Variants in ABCA12 observed in about 807,000 individuals in gnomAD.
ABCA12 encodes the protein glucosylceramide transporter ABCA12.
In ABCA12, 156 loss-of-function variants were observed where a neutral mutation model predicts 293.5. That is an observed-to-expected ratio of 0.53 (90% confidence interval 0.47 to 0.61). The LOEUF (loss-of-function observed/expected upper bound fraction) is 0.61, where lower values mean the gene tolerates loss of function less well. ABCA12 is among the 20% of genes least tolerant of loss of function. The pLI, the probability that ABCA12 is intolerant of heterozygous loss-of-function variation, is 0.00. For missense variants in ABCA12, 2,797 were observed against 3,090.2 expected, an observed-to-expected ratio of 0.91 and a Z score of 2.25; for synonymous variants, 1,063 against 1,108.0, an observed-to-expected ratio of 0.96 and a Z score of 0.81.
chr2:214,954,134 C>T (rs1310086376), intron 43 of ABCA12, 27 bp from the exon 44 acceptor site: 1 of 1,610,426 alleles, frequency 6.2e-7, no homozygotes, highest in South Asian at 1.1e-5. Context: ...AAAAATAAAA[C>T]TCAGTGTTAA....
chr2:214,974,634 G>C (rs1214830397), intron 35 of ABCA12, 144 bp downstream of exon 35: 1 of 778,314 alleles, frequency 1.3e-6, no homozygotes, highest in Non-Finnish European at 2.3e-6. Flanking sequence ...AACTAAAGGA[G>C]ATAGACAAAA....
rs1179356922 is a variant in ABCA12 at position 214,955,272 on chromosome 2, A to T, written c.6323T>A (p.Phe2108Tyr). The T allele has an allele frequency of 6.2e-7, 1 of 1,614,208 alleles. No homozygotes were observed. The highest frequency in any genetic ancestry group is 8.5e-7 in the Non-Finnish European group (1 of 1,180,018). The change falls in exon 43 of 53, where the codon TTT becomes TAT. Residue 2108 changes from phenylalanine (F) to tyrosine (Y), a missense_variant. Physicochemically the swap from Phe to Tyr is conservative, Grantham distance 22. Transcript: ENST00000272895. The part of the protein sequence containing the change: ...AFITYVCVNL[F>Y]FGINSIVSLS... The stretch of plus-strand genomic sequence containing the variant: ...GGAAACAATGGAATTAATGCCAAAA[A>T]ACAAGTTGACACAGACGTAAGTGAT...
At chr2:214,950,833 G>A in intron 45 of ABCA12, 46 bp downstream of exon 45, 1 of 1,575,860 alleles carries the variant, frequency 6.3e-7, no homozygotes, top group South Asian at 1.1e-5. Flanking sequence ...TTGTCACATA[G>A]TATGCCAATG....
intron 39 of ABCA12, among the ~76,000 whole-genome samples, chr2:214,965,418 A>G (rs1363763390): frequency 1.3e-5 from 2 of 152,222 alleles, no homozygotes; most frequent in Non-Finnish European, 2.9e-5. Flanking sequence ...CTGCATAGAG[A>G]AGGAAACTTT....
intron 1 of ABCA12, among the ~76,000 whole-genome samples, chr2:215,118,593 TATA>T (rs1433567772): frequency 1.3e-5 from 2 of 151,930 alleles, no homozygotes; most frequent in African/African-American, 4.8e-5. Context: ...AATATAAACA[TATA>T]TAAAACAGTA....
chr2:215,123,884 A>G (rs1299093233), intron 1 of ABCA12, among the ~76,000 whole-genome samples: 1 of 152,096 alleles, frequency 6.6e-6, no homozygotes, highest in Non-Finnish European at 1.5e-5. Context: ...AGCAGTATAC[A>G]ATGCACCACA....
At chr2:215,071,548 C>T (rs1285868309) in intron 2 of ABCA12, among the ~76,000 whole-genome samples, 1 of 152,174 alleles carries the variant, frequency 6.6e-6, no homozygotes, top group Non-Finnish European at 1.5e-5. Flanking sequence ...ATTTGAAAAA[C>T]AGGTACACTT....
intron 1 of ABCA12, among the ~76,000 whole-genome samples, chr2:215,112,540 C>T (rs1702599393): frequency 6.7e-6 from 1 of 149,776 alleles, no homozygotes; most frequent in South Asian, 2.1e-4. Flanking sequence ...GCTCTGTCAC[C>T]CAGGCTGGAT....
chr2:214,976,679 C>A (rs552965296), intron 33 of ABCA12, among the ~76,000 whole-genome samples: 9 of 151,874 alleles, frequency 5.9e-5, no homozygotes, highest in Non-Finnish European at 1.2e-4. Flanking sequence ...TTCAAAACTC[C>A]ATTTTTGCCA....
chr2:214,998,893 G>A (rs567717096), intron 22 of ABCA12, among the ~76,000 whole-genome samples: 2 of 152,076 alleles, frequency 1.3e-5, no homozygotes, highest in Non-Finnish European at 2.9e-5. Flanking sequence ...TATGTGTTGG[G>A]CTCCACTCAA....
At chr2:215,122,597 T>C (rs1346056389) in intron 1 of ABCA12, among the ~76,000 whole-genome samples, 19 of 152,184 alleles carry the variant, frequency 1.2e-4, no homozygotes. Context: ...CTTTAGCAAG[T>C]TGTGACAACA....
rs1286740846 is a variant in ABCA12 at position 215,007,798 on chromosome 2, C to G, written c.2521G>C (p.Glu841Gln). ...QLAELREKSQ[E>Q]WMDKSPLFMN... ...AAAAGTGGCGACTTATCCATCCACTCTTGAGATTTTTCTCTTAATTCCGCC... is the reference window on the plus strand; with the variant it reads ...AAAAGTGGCGACTTATCCATCCACTGTTGAGATTTTTCTCTTAATTCCGCC... The change falls in exon 19 of 53, where the codon GAG (glutamate) becomes CAG (glutamine). Residue 841 changes from glutamate (E) to glutamine (Q), a missense_variant. Glu to Gln is a conservative substitution (Grantham distance 29). Around this residue, in one of 3 missense-constraint regions of ABCA12, gnomAD observed 2,130 missense variants for 2,427.0 expected, o/e 0.88. Coordinates refer to ENST00000272895, the MANE Select transcript of ABCA12 (RefSeq NM_173076.3). 1.9e-6 allele frequency: 3 copies of G among 1,614,038 alleles called. No homozygotes were observed. Among genetic ancestry groups the G allele is most frequent in the East Asian group, 2.2e-5 (1 of 44,844 alleles).
intron 7 of ABCA12, among the ~76,000 whole-genome samples, chr2:215,040,363 CAT>C (rs1472559849): frequency 6.6e-6 from 1 of 151,938 alleles, no homozygotes; most frequent in African/African-American, 2.4e-5. Flanking sequence ...AGCCAATAGA[CAT>C]ATGAAAAAAT....
chr2:215,083,268 A>C (rs2970947), intron 2 of ABCA12, among the ~76,000 whole-genome samples: 150,771 of 152,322 alleles, frequency 0.99, 74,631 homozygotes, highest in Middle Eastern at 1. Context: ...AGTCACCCAG[A>C]AGAGAACAGG....
At chr2:215,045,793 CTTTGTGAACACTAATATTACA>C in intron 7 of ABCA12, 23 bp downstream of exon 7, 1 of 1,566,856 alleles carries the variant, frequency 6.4e-7, no homozygotes, top group Non-Finnish European at 8.8e-7. Flanking sequence ...TTAAACACTT[CTTTGTGAACACTAATATTACA>C]TTTAATTCTT....
intron 21 of ABCA12, 57 bp downstream of exon 21, chr2:215,001,501 G>T (rs1559139844): frequency 6.2e-6 from 10 of 1,608,934 alleles, no homozygotes; most frequent in African/African-American, 1.3e-5. Flanking sequence ...CATGAGGAAA[G>T]AATTTGGCCA....
chr2:215,030,072 C>T (rs1212760855), intron 9 of ABCA12: 1 of 152,110 alleles, frequency 6.6e-6, no homozygotes, highest in Non-Finnish European at 1.5e-5. Flanking sequence ...CAACAAGAGC[C>T]AACTTAGAAG....
At chr2:214,961,915 CAG>C (rs1699123965) in intron 39 of ABCA12, 2 of 152,190 alleles carry the variant, frequency 1.3e-5, no homozygotes, top group Non-Finnish European at 2.9e-5. Flanking sequence ...TCTACTTCTA[CAG>C]TCACCAGTAC....
intron 1 of ABCA12, among the ~76,000 whole-genome samples, chr2:215,116,555 C>T (rs1702690305): frequency 6.6e-6 from 1 of 151,960 alleles, no homozygotes; most frequent in South Asian, 2.1e-4. Flanking sequence ...TGTATTTAAA[C>T]ATTAAAATAT....
Sources: gnomAD v4.1 joint callset for allele counts (sites outside exome capture counted in the v4.1 genomes callset) on GRCh38, gnomAD v4.1.1 for gene constraint, gnomAD v4.1.1 regional missense constraint, MANE v1.5 for transcripts, NCBI Gene and HGNC (gene_info 2026-07-23, HGNC 2026-07-21) for gene names.